The following SLC12A7 variants were observed in gnomAD, a reference collection of about 807,000 sequenced individuals.
SLC12A7 encodes solute carrier family 12 member 7.
In SLC12A7, 100 loss-of-function variants were observed where a neutral mutation model predicts 120.6. The observed-to-expected ratio is 0.83, with a 90% CI of 0.71 to 0.98. SLC12A7 has a LOEUF of 0.98. SLC12A7 is among the 50% of genes least tolerant of loss of function. The pLI, the probability that SLC12A7 is intolerant of heterozygous loss-of-function variation, is 0.00. For synonymous variants in SLC12A7, 760 were observed against 678.0 expected (o/e 1.12, Z -1.88); for missense variants, 1,373 against 1,548.1 (o/e 0.89, Z 1.90).
At chr5:1,093,283 T>C (rs1233991540) in intron 3 of SLC12A7, among the ~76,000 whole-genome samples, 1 of 152,126 alleles carries the variant, frequency 6.6e-6, no homozygotes, top group African/African-American at 2.4e-5. Flanking sequence ...AGTTCATTTC[T>C]CGACAGGGAA....
At chr5:1,123,021 T>C in the SLC12A7 span, among the ~76,000 whole-genome samples, 1 of 152,234 alleles carries the variant, frequency 6.6e-6, no homozygotes, top group Admixed American at 6.5e-5. Context: ...TCCTCTGTCC[T>C]GTTACCTGGG....
At chr5:1,068,097 G>A (rs75012800) in intron 17 of SLC12A7, among the ~76,000 whole-genome samples, 5,220 of 152,316 alleles carry the variant, frequency 0.034, 319 homozygotes, top group African/African-American at 0.12. Flanking sequence ...GCGACTGCAT[G>A]AGTCACGAAG....
intron 17 of SLC12A7, among the ~76,000 whole-genome samples, chr5:1,069,567 A>C (rs1324550352): frequency 6.6e-6 from 1 of 152,166 alleles, no homozygotes; most frequent in African/African-American, 2.4e-5. Flanking sequence ...TATAGGCCCC[A>C]CAGACTCCCA....
chr5:1,108,614 T>C (rs1742745950), intron 1 of SLC12A7, among the ~76,000 whole-genome samples: 1 of 152,146 alleles, frequency 6.6e-6, no homozygotes, highest in African/African-American at 2.4e-5. Context: ...ACCTGGACGC[T>C]CTGTGTGTGG....
chr5:1,122,225 C>T, the SLC12A7 span, among the ~76,000 whole-genome samples: 3 of 152,184 alleles, frequency 2.0e-5, no homozygotes, highest in Non-Finnish European at 4.4e-5. Flanking sequence ...TCCCTAGAAA[C>T]GTGTCACCCC....
the SLC12A7 span, among the ~76,000 whole-genome samples, chr5:1,142,013 G>C: frequency 6.6e-6 from 1 of 152,008 alleles, no homozygotes; most frequent in Non-Finnish European, 1.5e-5. Flanking sequence ...CAGCCCTGCA[G>C]GACTTCCCGG....
In SLC12A7 at chr5:1,083,936, C is replaced by A. The variant is rs374815673; in HGVS notation, c.938G>T (p.Arg313Leu). The A allele has an allele frequency of 3.1e-6, 5 of 1,603,544 alleles. No homozygotes were observed. The highest frequency in any genetic ancestry group is 4.2e-6 in the Non-Finnish European group (5 of 1,179,694). Reference protein sequence around the residue: ...PDIPVCLLGNRTLSRRSFDAC... With the variant: ...PDIPVCLLGNLTLSRRSFDAC... ...ATCGAAGCTGCGCCGTGACAGCGTG[C>A]GGTTCCCCAGGAGGCAGACCCTGGG... The change falls in exon 8 of 24, where the codon CGC (arginine) becomes CTC (leucine). Residue 313 changes from arginine to leucine, a missense_variant. Coordinates refer to ENST00000264930, the MANE Select transcript of SLC12A7 (RefSeq NM_006598.3).
chr5:1,076,854 C>G, intron 12 of SLC12A7, 42 bp from the exon 13 acceptor site: 1 of 1,350,108 alleles, frequency 7.4e-7, no homozygotes, highest in African/African-American at 1.4e-5. Flanking sequence ...ATGACACCAC[C>G]CTTTTAGGAG....
At chr5:1,087,905 T>C (rs1740065201) in intron 5 of SLC12A7, among the ~76,000 whole-genome samples, 1 of 152,260 alleles carries the variant, frequency 6.6e-6, no homozygotes. Flanking sequence ...TATTATGTAT[T>C]GTAATTAACT....
chr5:1,079,574 G>A, intron 9 of SLC12A7, 78 bp from the exon 10 acceptor site: 1 of 1,232,264 alleles, frequency 8.1e-7, no homozygotes, highest in Non-Finnish European at 1.2e-6. Context: ...CCAGAAAGCT[G>A]GAAAGGCGGT....
chr5:1,143,732 C>T, the SLC12A7 span, among the ~76,000 whole-genome samples: 21 of 152,326 alleles, frequency 1.4e-4, no homozygotes, highest in Non-Finnish European at 2.4e-4. Flanking sequence ...AGACATGTGA[C>T]CTGCCCAGTC....
the SLC12A7 span, among the ~76,000 whole-genome samples, chr5:1,146,491 C>T: frequency 6.6e-6 from 1 of 152,184 alleles, no homozygotes; most frequent in Non-Finnish European, 1.5e-5. This position sits in a 1 kb window ranked among gnomAD's most constrained non-coding sequence, Gnocchi z 6.5. Flanking sequence ...TCTAAGGCTC[C>T]TCCCCGACCG....
chr5:1,149,144 G>GAA, the SLC12A7 span, among the ~76,000 whole-genome samples: 11 of 148,306 alleles, frequency 7.4e-5, no homozygotes, highest in Non-Finnish European at 1.2e-4. Flanking sequence ...GCACCCAGAA[G>GAA]GGGGACTGTG....
chr5:1,089,714 G>A (rs112106625), intron 3 of SLC12A7, among the ~76,000 whole-genome samples: 32 of 152,316 alleles, frequency 2.1e-4, no homozygotes, highest in African/African-American at 6.7e-4. Flanking sequence ...GCCCCAGCAC[G>A]GAGCAGGCAG....
intron 17 of SLC12A7, among the ~76,000 whole-genome samples, chr5:1,067,615 G>A (rs748482432): frequency 3.3e-5 from 5 of 152,254 alleles, no homozygotes; most frequent in Admixed American, 1.3e-4. Flanking sequence ...CTGGAGCCAC[G>A]TCACGGGGCC....
intron 9 of SLC12A7, 123 bp downstream of exon 9, chr5:1,081,454 T>C: frequency 2.0e-6 from 2 of 1,012,054 alleles, no homozygotes; most frequent in Non-Finnish European, 2.9e-6. Context: ...GTCTAGGAGT[T>C]GAGGCTGCAG....
chr5:1,107,033 C>T (rs181006363), intron 1 of SLC12A7, among the ~76,000 whole-genome samples: 3 of 152,166 alleles, frequency 2.0e-5, no homozygotes, highest in Non-Finnish European at 4.4e-5. Flanking sequence ...AGTCACTAAG[C>T]GTGAGCCGTG....
chr5:1,060,928 G>A (rs1432869749), intron 20 of SLC12A7, among the ~76,000 whole-genome samples: 3 of 152,164 alleles, frequency 2.0e-5, no homozygotes, highest in African/African-American at 7.2e-5. Context: ...CACCCACCGT[G>A]CGGGACCCCT....
chr5:1,061,623 G>A (rs1486639026), intron 20 of SLC12A7, among the ~76,000 whole-genome samples: 1 of 152,110 alleles, frequency 6.6e-6, no homozygotes, highest in South Asian at 2.1e-4. Context: ...TGGGAGTTGG[G>A]AGCAGCTGTG....
Sources: allele counts gnomAD v4.1 joint callset (sites outside exome capture counted in the v4.1 genomes callset), GRCh38; gene constraint gnomAD v4.1.1; non-coding constraint Gnocchi (gnomAD v3.1); transcripts MANE v1.5; gene names NCBI Gene and HGNC (gene_info 2026-07-23, HGNC 2026-07-21).